The following SBF2 variants were observed in gnomAD, a reference collection of about 807,000 sequenced individuals.
The protein encoded by SBF2 is SET binding factor 2, also known as myotubularin-related protein 13.
In SBF2, 112 loss-of-function variants were observed where a neutral mutation model predicts 225.2. The ratio of observed to expected loss-of-function variants is 0.50; its 90% confidence interval spans 0.43 to 0.58. The LOEUF is 0.58. Ranked by LOEUF, SBF2 falls within the 20% of genes least tolerant of loss-of-function variation. The probability of loss-of-function intolerance (pLI) is 0.00; values close to 1 mark genes in which losing one functional copy is unlikely to be tolerated. For synonymous variants in SBF2, 763 were observed against 773.3 expected, an observed-to-expected ratio of 0.99 and a Z score of 0.22; for missense variants, 1,996 against 2,206.2, an observed-to-expected ratio of 0.90 and a Z score of 1.91.
chr11:9,915,268 G>A (rs1026376402), intron 16 of SBF2, among the ~76,000 whole-genome samples: 3 of 152,080 alleles, frequency 2.0e-5, no homozygotes, highest in Admixed American at 1.3e-4. Flanking sequence ...CCACCATGGT[G>A]AAACCCTATC....
intron 9 of SBF2, among the ~76,000 whole-genome samples, chr11:9,995,047 A>T (rs887409768): frequency 1.4e-3 from 214 of 150,992 alleles, no homozygotes; most frequent in African/African-American, 4.7e-3. Flanking sequence ...TCTCAAAAAA[A>T]AAAAAATAAA....
At chr11:10,128,276 A>G (rs1020842473) in intron 2 of SBF2, among the ~76,000 whole-genome samples, 7 of 152,238 alleles carry the variant, frequency 4.6e-5, no homozygotes, top group African/African-American at 1.7e-4. Context: ...AGTTTTACCT[A>G]CTACCATATA....
At chr11:10,127,980 C>CA (rs1227872524) in intron 2 of SBF2, among the ~76,000 whole-genome samples, 1 of 152,154 alleles carries the variant, frequency 6.6e-6, no homozygotes, top group Non-Finnish European at 1.5e-5. Flanking sequence ...TACTTTATAA[C>CA]ATTATGTGAG....
chr11:9,805,388 G>A (rs1853751809), intron 32 of SBF2, among the ~76,000 whole-genome samples: 1 of 151,930 alleles, frequency 6.6e-6, no homozygotes. Flanking sequence ...TTGAGTAGTC[G>A]TCCACGGTAT....
At chr11:10,254,392 A>G (rs1960662356) in intron 1 of SBF2, among the ~76,000 whole-genome samples, 1 of 151,888 alleles carries the variant, frequency 6.6e-6, no homozygotes, top group Admixed American at 6.6e-5. Context: ...AAAGAAAAAA[A>G]AAAAAAAGAA....
At position 10,170,451 on chromosome 11, in the gene SBF2, G is replaced by A. The variant is rs150167257; in HGVS notation, c.141+23451C>T. ...GAGTTCCCTGTAGATATACAGATTT[G>A]TCTCTGGATTCTCTATTCTGTTCCA... On this transcript the variant is annotated intron_variant, in intron 2 of 39. Transcript: ENST00000256190. Among the ~76,000 whole-genome samples, 124 of 152,098 alleles carry A rather than the reference G, an allele frequency of 8.2e-4. 1 individual carries two copies. The highest frequency in any genetic ancestry group is 2.8e-3 in the African/African-American group (117 of 41,512).
chr11:10,191,126 ATGT>A (rs1399306511), intron 2 of SBF2, among the ~76,000 whole-genome samples: 8 of 152,306 alleles, frequency 5.3e-5, no homozygotes, highest in South Asian at 4.1e-4. Context: ...TTACATGCTA[ATGT>A]TGTTCCACCA....
At chr11:9,953,939 T>C (rs1015634092) in intron 16 of SBF2, among the ~76,000 whole-genome samples, 1 of 152,156 alleles carries the variant, frequency 6.6e-6, no homozygotes, top group African/African-American at 2.4e-5. Context: ...TTAAAAGATC[T>C]TAGCTAGGAT....
chr11:9,983,127 A>T (rs1947029526), intron 13 of SBF2, among the ~76,000 whole-genome samples: 1 of 152,248 alleles, frequency 6.6e-6, no homozygotes, highest in African/African-American at 2.4e-5. Context: ...CAGGGGAAGA[A>T]CTAAAGCACT....
At chr11:10,254,485 C>G (rs1167438135) in intron 1 of SBF2, among the ~76,000 whole-genome samples, 1 of 151,730 alleles carries the variant, frequency 6.6e-6, no homozygotes, top group Non-Finnish European at 1.5e-5. Context: ...TATATGTGCT[C>G]ACATGTTCAT....
chr11:10,300,811 C>CTTTTTTTTTTTTTT (rs570381146), intron 1 of SBF2, among the ~76,000 whole-genome samples: 1 of 138,128 alleles, frequency 7.2e-6, no homozygotes, highest in Non-Finnish European at 1.6e-5. Context: ...CTCTCTCTCT[C>CTTTTTTTTTTTTTT]TTTTTTTTTT....
intron 3 of SBF2, among the ~76,000 whole-genome samples, chr11:10,032,645 T>C (rs557436523): frequency 1.6e-4 from 25 of 152,362 alleles, no homozygotes; most frequent in Admixed American, 8.5e-4. Flanking sequence ...TTTTTCTCCA[T>C]GGCATTTGTT....
intron 17 of SBF2, among the ~76,000 whole-genome samples, chr11:9,882,204 T>C (rs564022087): frequency 3.3e-5 from 5 of 152,184 alleles, no homozygotes; most frequent in African/African-American, 2.4e-5. Context: ...TTTCAGAAAA[T>C]GTATCCTAGG....
At chr11:9,981,198 C>A (rs764164248) in intron 13 of SBF2, among the ~76,000 whole-genome samples, 26 of 152,156 alleles carry the variant, frequency 1.7e-4, no homozygotes, top group Non-Finnish European at 2.9e-4. Flanking sequence ...AAGATACTGA[C>A]CCTGAATTCT....
At chr11:9,849,902 A>G (rs991136603) in intron 22 of SBF2, 121 bp downstream of exon 22, 3 of 931,468 alleles carry the variant, frequency 3.2e-6, no homozygotes, top group Non-Finnish European at 5.3e-6. Context: ...TCACCAAAAT[A>G]CCTGTGTGGC....
chr11:10,289,228 T>A (rs772524493), intron 1 of SBF2, among the ~76,000 whole-genome samples: 1 of 152,168 alleles, frequency 6.6e-6, no homozygotes, highest in South Asian at 2.1e-4. Context: ...AGGGATGCCT[T>A]CCCTGGCCCC....
chr11:10,035,768 A>G (rs150409183), intron 3 of SBF2, among the ~76,000 whole-genome samples: 8,108 of 152,238 alleles, frequency 0.053, 299 homozygotes, highest in Middle Eastern at 0.16. Flanking sequence ...GAAACAACAG[A>G]TGCTGGAGAG....
intron 1 of SBF2, among the ~76,000 whole-genome samples, chr11:10,278,150 T>C (rs572573282): frequency 6.6e-6 from 1 of 152,362 alleles, no homozygotes; most frequent in South Asian, 2.1e-4. Context: ...GAAATTCATT[T>C]AAACTTAAGC....
chr11:9,807,611 A>C (rs1419744202), intron 32 of SBF2, among the ~76,000 whole-genome samples: 1 of 152,174 alleles, frequency 6.6e-6, no homozygotes. Flanking sequence ...GTTAGGCTTT[A>C]CCTCTTATGT....
Sources: gnomAD v4.1 joint callset for allele counts (sites outside exome capture counted in the v4.1 genomes callset) on GRCh38, gnomAD v4.1.1 for gene constraint, MANE v1.5 for transcripts, NCBI Gene and HGNC (gene_info 2026-07-23, HGNC 2026-07-21) for gene names.